Variants in GDPD5 observed in about 807,000 individuals in gnomAD.
GDPD5 encodes glycerophosphodiester phosphodiesterase domain containing 5.
GDPD5 carries 48 observed loss-of-function variants against 75.1 expected under a neutral mutation model. The ratio of observed to expected loss-of-function variants is 0.64; its 90% CI spans 0.51 to 0.81. The LOEUF is 0.81. Among genes scored for constraint, GDPD5 ranks in the 40% least tolerant of loss-of-function variants. The probability of loss-of-function intolerance (pLI) is 0.00; values close to 1 mark genes in which losing one functional copy is unlikely to be tolerated. For synonymous variants in GDPD5, 336 were observed against 339.0 expected (o/e 0.99, Z 0.10); for missense variants, 706 against 822.6 (o/e 0.86, Z 1.73).
intron 1 of GDPD5, among the ~76,000 whole-genome samples, chr11:75,494,727 A>G (rs1271986083): frequency 6.6e-6 from 1 of 151,770 alleles, no homozygotes; most frequent in Non-Finnish European, 1.5e-5. Flanking sequence ...CTAGGCAGGC[A>G]GATCACCTGA....
At chr11:75,506,345 A>G (rs921059020) in intron 1 of GDPD5, among the ~76,000 whole-genome samples, 2 of 152,134 alleles carry the variant, frequency 1.3e-5, no homozygotes, top group African/African-American at 4.8e-5. Flanking sequence ...CTTGATAGGA[A>G]AAGGAAAATT....
At chr11:75,516,780 T>C (rs754801365) in intron 1 of GDPD5, among the ~76,000 whole-genome samples, 3 of 152,202 alleles carry the variant, frequency 2.0e-5, no homozygotes, top group Admixed American at 6.5e-5. Context: ...ATGCATTTTA[T>C]AGGAGAAACA....
Position 75,441,607 on chromosome 11 carries a change from C to G in GDPD5, c.1325+39G>C, listed in dbSNP as rs1457453048. The G allele has an allele frequency of 9.9e-6, 15 of 1,518,340 alleles. No individual in the cohort carries two copies. In the East Asian group the frequency reaches 3.7e-4, roughly 37 times the overall value. The allele number at this position is 1,518,340 out of a possible 1,614,324, so 94.1% of individuals were successfully genotyped here. A position where few individuals can be genotyped will look rare whatever the true frequency, so the allele number is the denominator to read the frequency against. On this transcript the variant is annotated intron_variant, in intron 13 of 16. Transcript: ENST00000336898. ...GTGGCAGGACTGGGAGAGACTCAGT[C>G]CCACCCTCTCCTGGAGGAGCCCAGG...
At position 75,497,312 on chromosome 11, in the gene GDPD5, G is replaced by A. The variant is rs577047303; in HGVS notation, c.-144-6992C>T. 8.3e-4 allele frequency among the ~76,000 whole-genome samples: 126 copies of A among 152,286 alleles called. 1 individual carries two copies. The South Asian group carries it at 0.026, about 31-fold the overall frequency. On this transcript the variant is annotated intron_variant, in intron 1 of 16. Transcript: ENST00000336898. ...CGCATCATGTGAACAAAGGTGGCAG[G>A]ACGCGTAAGGGGTGGAGGCCTTGAT...
At chr11:75,467,200 C>A (rs1321551803) in intron 3 of GDPD5, among the ~76,000 whole-genome samples, 1 of 152,246 alleles carries the variant, frequency 6.6e-6, no homozygotes, top group Non-Finnish European at 1.5e-5. Flanking sequence ...GGCTCTGCCA[C>A]TCAGCACGTC....
intron 2 of GDPD5, chr11:75,485,549 ACAC>A (rs1555010893): frequency 6.7e-6 from 1 of 149,468 alleles, no homozygotes. Context: ...ACACACACAC[ACAC>A]GTGTGCACCC....
chr11:75,448,874 G>A, intron 9 of GDPD5, 103 bp downstream of exon 9: 6 of 1,355,370 alleles, frequency 4.4e-6, no homozygotes, highest in Non-Finnish European at 5.8e-6. Flanking sequence ...CCCTCAAAAA[G>A]CTACAAATGG....
intron 1 of GDPD5, among the ~76,000 whole-genome samples, chr11:75,502,215 T>TA (rs1193321349): frequency 1.3e-5 from 2 of 152,210 alleles, no homozygotes; most frequent in African/African-American, 4.8e-5. Context: ...CACCTGGAGC[T>TA]AAGTCCCTGC....
chr11:75,500,245 G>T (rs1312934248), intron 1 of GDPD5, among the ~76,000 whole-genome samples: 1 of 151,906 alleles, frequency 6.6e-6, no homozygotes, highest in Non-Finnish European at 1.5e-5. Context: ...TGGGGCTCAT[G>T]CAGTTCATCC....
At chr11:75,458,673 A>AAAACAAATAAATAAAT (rs1949344827) in intron 4 of GDPD5, among the ~76,000 whole-genome samples, 1 of 147,324 alleles carries the variant, frequency 6.8e-6, no homozygotes, top group Non-Finnish European at 1.5e-5. Context: ...CTCTGTCTCA[A>AAAACAAATAAATAAAT]AAATAAATAA....
chr11:75,443,385 G>A, intron 10 of GDPD5, 99 bp from the exon 11 acceptor site: 3 of 1,385,804 alleles, frequency 2.2e-6, no homozygotes, highest in Non-Finnish European at 2.9e-6. Flanking sequence ...CCCAGCACAG[G>A]ATCCCGGCTG....
At chr11:75,446,378 T>C (rs1948987829) in intron 9 of GDPD5, among the ~76,000 whole-genome samples, 1 of 151,842 alleles carries the variant, frequency 6.6e-6, no homozygotes, top group African/African-American at 2.4e-5. Context: ...GTTGCTGGGG[T>C]GAATTCTTAG....
intron 14 of GDPD5, among the ~76,000 whole-genome samples, chr11:75,440,323 C>T (rs1948753376): frequency 6.6e-6 from 1 of 152,136 alleles, no homozygotes; most frequent in Non-Finnish European, 1.5e-5. Flanking sequence ...CGACTCTCAT[C>T]CATCGGTCTC....
chr11:75,487,830 C>T (rs921503832), intron 2 of GDPD5, among the ~76,000 whole-genome samples: 3 of 152,222 alleles, frequency 2.0e-5, no homozygotes, highest in Non-Finnish European at 4.4e-5. Context: ...GCCCAGAGGG[C>T]ACAGCTTAGC....
intron 3 of GDPD5, among the ~76,000 whole-genome samples, chr11:75,471,424 C>T (rs1278217540): frequency 3.9e-5 from 6 of 152,194 alleles, no homozygotes; most frequent in Non-Finnish European, 7.4e-5. Flanking sequence ...GGCAATCAGG[C>T]CTCTGTCCTT....
chr11:75,476,441 A>G (rs1459457891), intron 3 of GDPD5, among the ~76,000 whole-genome samples: 1 of 151,252 alleles, frequency 6.6e-6, no homozygotes, highest in Non-Finnish European at 1.5e-5. Flanking sequence ...TGCACCACCA[A>G]AACCTGAATC....
At position 75,524,762 on chromosome 11, in the gene GDPD5, A is replaced by G. The variant is rs150724185; in HGVS notation, c.-145+448T>C. On this transcript the variant is annotated intron_variant, in intron 1 of 16. Transcript: ENST00000336898. Reference sequence around the variant, plus strand: ...GGGAAGCTTCCCACCTCTACCCTCAACTCTGAGTCACCTTTCCTCGCGGGT... The same window carrying G: ...GGGAAGCTTCCCACCTCTACCCTCAGCTCTGAGTCACCTTTCCTCGCGGGT... 2.5e-4 allele frequency among the ~76,000 whole-genome samples: 38 copies of G among 152,090 alleles called. No individual in the cohort carries two copies. In the East Asian group the frequency reaches 4.6e-3, roughly 19 times the overall value.
At chr11:75,512,281 G>GACACACAC (rs145862089) in intron 1 of GDPD5, among the ~76,000 whole-genome samples, 10,940 of 123,048 alleles carry the variant, frequency 0.089, 706 homozygotes, top group Middle Eastern at 0.12. Context: ...AATTGGGAAG[G>GACACACAC]ACACACACAC....
intron 3 of GDPD5, among the ~76,000 whole-genome samples, chr11:75,473,818 C>T (rs539719395): frequency 8.5e-5 from 13 of 152,130 alleles, no homozygotes; most frequent in Admixed American, 2.0e-4. Context: ...GAGATGGGGC[C>T]GATACTCCCA....
Sources: allele counts gnomAD v4.1 joint callset (sites outside exome capture counted in the v4.1 genomes callset), GRCh38; gene constraint gnomAD v4.1.1; transcripts MANE v1.5; gene names NCBI Gene and HGNC (gene_info 2026-07-23, HGNC 2026-07-21).